The following FLII variants were observed in gnomAD, a reference collection of about 807,000 sequenced individuals.
FLII encodes protein flightless-1 homolog.
Under a neutral mutation model 156.2 loss-of-function variants are expected in FLII, and 101 were observed. The observed-to-expected ratio is 0.65, with a 90% CI of 0.55 to 0.76. FLII has a LOEUF of 0.76. Ranked by LOEUF, FLII falls within the 30% of genes least tolerant of loss-of-function variation. The pLI, the probability that FLII is intolerant of heterozygous loss-of-function variation, is 0.00. For missense variants in FLII, 1,675 were observed against 1,682.8 expected (o/e 1.00, Z 0.08); for synonymous variants, 767 against 685.8 (o/e 1.12, Z -1.85).
rs1312202055 is a variant in FLII, at chr17:18,258,511, C to G, written c.63+117G>C. ...GGGGAGAGCCCCACCCCGCCCCGGC[C>G]GCAGTCCCTGGGACACGCAGGGCCT... On this transcript the variant is annotated intron_variant, in intron 1 of 29. Transcript: ENST00000327031. The surrounding 1 kb of genome is among the most constrained non-coding windows in gnomAD (Gnocchi z 4.2). The G allele has an allele frequency of 2.7e-6, 4 of 1,507,708 alleles. No individual in the cohort carries two copies. Among genetic ancestry groups the G allele is most frequent in the Admixed American group, 2.1e-5 (1 of 48,410 alleles). The allele number at this position is 1,507,708 out of a possible 1,614,324, so 93.4% of individuals were successfully genotyped here.
intron 3 of FLII, 106 bp from the exon 4 acceptor site, chr17:18,255,369 G>C: frequency 1.2e-6 from 1 of 833,930 alleles, no homozygotes; most frequent in Non-Finnish European, 2.0e-6. Context: ...GGCCAGGCCT[G>C]AGGACTCTCT....
At chr17:18,254,933 G>T in intron 4 of FLII, 79 bp from the exon 5 acceptor site, 2 of 1,430,526 alleles carry the variant, frequency 1.4e-6, no homozygotes, top group Non-Finnish European at 2.0e-6. Flanking sequence ...ATCAGGCAGG[G>T]CACTGAGTTG....
rs376367627 is a variant in FLII at position 18,249,456 on chromosome 17, C to G, written c.1777-48G>C. ...CTTCATCACTGAGCTGCCCCCTCCC[C>G]CACCAACCACTGCCCCTCAGGTGGG... On this transcript the variant is annotated intron_variant, in intron 14 of 29. Transcript: ENST00000327031. 126 of 1,443,090 alleles carry G rather than the reference C, an allele frequency of 8.7e-5. No individual in the cohort carries two copies. In the Middle Eastern group the frequency reaches 1.0e-3, roughly 12 times the overall value. The allele number at this position is 1,443,090 out of a possible 1,614,324, so 89.4% of individuals were successfully genotyped here.
intron 4 of FLII, 142 bp from the exon 5 acceptor site, chr17:18,254,996 T>G (rs902210809): frequency 1.0e-6 from 1 of 968,826 alleles, no homozygotes; most frequent in Admixed American, 1.7e-5. Flanking sequence ...AGCCAGGGAC[T>G]TGGGAGGAAG....
At chr17:18,255,054 ATTATCC>A (rs2048375426) in intron 4 of FLII, 123 bp downstream of exon 4, 3 of 925,212 alleles carry the variant, frequency 3.2e-6, no homozygotes, top group Non-Finnish European at 5.4e-6. Flanking sequence ...CAGGCAAGGT[ATTATCC>A]ACTCCAAGAC....
intron 14 of FLII, among the ~76,000 whole-genome samples, chr17:18,250,365 T>C (rs1172379507): frequency 6.6e-6 from 1 of 152,080 alleles, no homozygotes; most frequent in African/African-American, 2.4e-5. Context: ...TGCGAACATA[T>C]GTCTAGGTGT....
intron 14 of FLII, 32 bp from the exon 15 acceptor site, chr17:18,249,440 T>G (rs1269957050): frequency 6.4e-7 from 1 of 1,572,000 alleles, no homozygotes; most frequent in Non-Finnish European, 8.7e-7. Context: ...TCTTCATCAC[T>G]GAGCTGCCCC....
rs996732165 is a variant in FLII, at chr17:18,246,052, T to A, written c.3278A>T (p.Glu1093Val). ...CACGATGCCCTGGTTGTCCTCACTC[T>A]CAAAGGGAACCTGGGGAGTGTGCAG... ...EFCFILKVPF[E>V]SEDNQGIVYA... The change falls in exon 26 of 30, where the codon GAG becomes GTG. Residue 1093 changes from glutamate (E) to valine (V), a missense_variant. Physicochemically the swap from Glu to Val is moderately radical, Grantham distance 121. Coordinates refer to ENST00000327031, the MANE Select transcript of FLII (RefSeq NM_002018.4). 2 of 1,614,070 alleles carry A rather than the reference T, an allele frequency of 1.2e-6. No individual in the cohort carries two copies. Among genetic ancestry groups the A allele is most frequent in the East Asian group, 2.2e-5 (1 of 44,856 alleles).
chr17:18,252,105 G>C lies in FLII; in HGVS notation c.1140C>G (p.Pro380=). Residue 380 remains proline (P), a synonymous_variant, in exon 11 of 30, where the codon CCC becomes CCG. Transcript: ENST00000327031. The part of the protein sequence containing the change: ...VRENPNLVMP[P]KPADRAAEWY... ...ACTCAGCGGCACGGTCTGCGGGCTT[G>C]GGCGGCATGACCAGGTTGGGGTTCT... 1 of 1,613,396 alleles carries C rather than the reference G, an allele frequency of 6.2e-7. No individual in the cohort carries two copies. The highest frequency in any genetic ancestry group is 8.5e-7 in the Non-Finnish European group (1 of 1,180,022).
intron 20 of FLII, 124 bp downstream of exon 20, chr17:18,247,533 C>T: frequency 9.2e-7 from 1 of 1,087,928 alleles, no homozygotes. Context: ...GGGGCCTGGG[C>T]AGAGTCAGCA....
Position 18,245,837 on chromosome 17 carries a change from C to G in FLII, c.3410G>C (p.Gly1137Ala). ...CCAGAAGAAGTTCTCAGGCTCCTCA[C>G]CTTCGTTGATAACCTGCGGGAAAGG... ...TSYSKQVINE[G>A]EEPENFFWVG... is the part of the protein sequence containing the mutation. Residue 1137 changes from glycine to alanine, a missense_variant, in exon 27 of 30, where the codon GGT becomes GCT. Gly to Ala is a moderately conservative substitution (Grantham distance 60). Coordinates refer to ENST00000327031, the MANE Select transcript of FLII (RefSeq NM_002018.4). 1 of 1,614,028 alleles carries G rather than the reference C, an allele frequency of 6.2e-7. No homozygotes were observed. Among genetic ancestry groups the G allele is most frequent in the Non-Finnish European group, 8.5e-7 (1 of 1,179,994 alleles).
rs530548043 is a variant in FLII at position 18,258,698 on chromosome 17, C to T, written c.-8G>A. On this transcript the variant is annotated 5_prime_UTR_variant, in exon 1 of 30. Transcript: ENST00000327031. The surrounding 1 kb of genome is among the most constrained non-coding windows in gnomAD (Gnocchi z 4.2). ...CACCCCGGTGGCCTCCATGGCGCCG[C>T]TCTCGCTGCCGGGCCGCGCCGGGCT... 50 of 1,479,430 alleles carry T rather than the reference C, an allele frequency of 3.4e-5. No individual in the cohort carries two copies. The East Asian group carries it at 7.9e-4, about 23-fold the overall frequency. 91.6% of individuals were successfully genotyped at this position (1,479,430 alleles called of 1,614,324 possible). A position where few individuals can be genotyped will look rare whatever the true frequency, so the allele number is the denominator to read the frequency against.
chr17:18,246,309 GGGTGCAGAGGGCGCTGCCGTT>G lies in FLII; in HGVS notation c.3184_3204del (p.Asn1062_Thr1068del). 6.2e-7 allele frequency: 1 copy of G among 1,613,814 alleles called. No individual in the cohort carries two copies. The highest frequency in any genetic ancestry group is 8.5e-7 in the Non-Finnish European group (1 of 1,180,030). On this transcript the variant is annotated inframe_deletion and splice_region_variant, in exon 24 of 30. Coordinates refer to ENST00000327031, the MANE Select transcript of FLII (RefSeq NM_002018.4). ...CTGCGTCCTCCCCCAGCCAGGCACC[GGGTGCAGAGGGCGCTGCCGTT>G]GGTGCGGATCTGGTAGAGGCTGGGC...
In FLII at chr17:18,246,621, G is replaced by A. The variant is rs1315351782; in HGVS notation, c.3024C>T (p.Phe1008=). The A allele has an allele frequency of 8.7e-6, 14 of 1,613,810 alleles. No individual in the cohort carries two copies. The highest frequency in any genetic ancestry group is 5.5e-5 in the South Asian group (5 of 91,030). The stretch of plus-strand genomic sequence containing the variant: ...CCAGCTTCCCAGGGAAGAGGCTCTC[G>A]AACTTCTTTTGCAGGCTGAAGGTGA... ...LTFTFSLQKK[F]ESLFPGKLEV... Residue 1008 remains phenylalanine, a synonymous_variant, in exon 23 of 30, where the codon TTC becomes TTT. Transcript: ENST00000327031.
At position 18,247,989 on chromosome 17, in the gene FLII, G is replaced by A. The variant is rs2048142769; in HGVS notation, c.2235C>T (p.Tyr745=). Residue 745 remains tyrosine, a synonymous_variant, in exon 19 of 30, where the codon TAC becomes TAT. Transcript: ENST00000327031. Reference sequence around the variant, plus strand: ...GCTGCTTATGTTCCACGGAGAGCTTGTAGTTGATCTGTGGCAGCTCCAGGT... The same window carrying A: ...GCTGCTTATGTTCCACGGAGAGCTTATAGTTGATCTGTGGCAGCTCCAGGT... ...LGYLELPQIN[Y]KLSVEHKQRP... is the part of the protein sequence containing the mutation. The A allele has an allele frequency of 6.2e-7, 1 of 1,613,964 alleles. No individual in the cohort carries two copies. The highest frequency in any genetic ancestry group is 8.5e-7 in the Non-Finnish European group (1 of 1,179,988).
rs1313757097 is a variant in FLII at position 18,254,510 on chromosome 17, G to A, written c.575+11C>T. 1.9e-6 allele frequency: 3 copies of A among 1,602,712 alleles called. No individual in the cohort carries two copies. The highest frequency in any genetic ancestry group is 2.6e-6 in the Non-Finnish European group (3 of 1,176,174). ...GGCTTCTGCAGGAGTGCGGTCCGAG[G>A]GGGCGCCCACCGGAGCTGTGCATGC... On this transcript the variant is annotated intron_variant, in intron 6 of 29. Coordinates refer to ENST00000327031, the MANE Select transcript of FLII (RefSeq NM_002018.4).
rs1180695752 is a variant in FLII, at chr17:18,247,025, C to T, written c.2704G>A (p.Glu902Lys). The T allele has an allele frequency of 2.5e-6, 4 of 1,613,626 alleles. No homozygotes were observed. The African/African-American group carries it at 4.0e-5, about 16-fold the overall frequency. ...EAEQLMEEWN[E>K]DLDGMEGFVL... ...AAACCCTCCATGCCGTCTAGGTCTTCGTTCCACTCCTCCATCAGCTGCTCC... is the reference window on the plus strand; with the variant it reads ...AAACCCTCCATGCCGTCTAGGTCTTTGTTCCACTCCTCCATCAGCTGCTCC... Residue 902 changes from glutamate (E) to lysine (K), a missense_variant, in exon 22 of 30, where the codon GAA becomes AAA. By Grantham distance (56) the Glu-to-Lys change is moderately conservative. Transcript: ENST00000327031.
chr17:18,247,291 C>T lies in FLII; in HGVS notation c.2554G>A (p.Ala852Thr), dbSNP rs754838568. 1.9e-5 allele frequency: 31 copies of T among 1,612,598 alleles called. No homozygotes were observed. In the Admixed American group the frequency reaches 4.7e-4, roughly 24 times the overall value. ...LTVDYTRNAE[A>T]VLQSPGLSGK... is the part of the protein sequence containing the mutation. ...GAGAGACCCGGGCTCTGCAGCACGG[C>T]CTCCGCATTGCGTGTGTAGTCCACC... The change falls in exon 21 of 30, where the codon GCC (alanine) becomes ACC (threonine). Residue 852 changes from alanine (A) to threonine (T), a missense_variant. Physicochemically the swap from Ala to Thr is moderately conservative, Grantham distance 58. This residue lies in a region of FLII where 1,332 missense variants were observed against 1,269.3 expected (regional missense o/e 1.05). Transcript: ENST00000327031.
chr17:18,247,906 C>T (rs1244570817), intron 19 of FLII, 23 bp downstream of exon 19: 1 of 1,612,012 alleles, frequency 6.2e-7, no homozygotes, highest in Non-Finnish European at 8.5e-7. Context: ...TCTGGCCCCA[C>T]GCCCTCCTCC....
Sources: gnomAD v4.1 joint callset for allele counts (sites outside exome capture counted in the v4.1 genomes callset) on GRCh38, gnomAD v4.1.1 for gene constraint, gnomAD v4.1.1 regional missense constraint, Gnocchi (gnomAD v3.1) non-coding constraint, MANE v1.5 for transcripts, NCBI Gene and HGNC (gene_info 2026-07-23, HGNC 2026-07-21) for gene names.